The following RGPD1 variants were observed in gnomAD, a reference collection of about 807,000 sequenced individuals.
The protein encoded by RGPD1 is RANBP2-like and GRIP domain-containing protein 1.
RGPD1 carries 7 observed loss-of-function variants against 40.6 expected under a neutral mutation model. The ratio of observed to expected loss-of-function variants is 0.17; its 90% CI spans 0.10 to 0.32. The LOEUF (loss-of-function observed/expected upper bound fraction) is 0.32, where lower values mean the gene tolerates loss of function less well. RGPD1 is among the 10% of genes least tolerant of loss of function. RGPD1 has a pLI of 1.00. For synonymous variants in RGPD1, 24 were observed against 167.0 expected (o/e 0.14, Z 6.60); for missense variants, 50 against 472.5 (o/e 0.11, Z 8.29).
At chr2:86,954,716 C>A (rs1295954982) in intron 4 of RGPD1, among the ~76,000 whole-genome samples, 1 of 147,718 alleles carries the variant, frequency 6.8e-6, no homozygotes, top group Non-Finnish European at 1.5e-5. Flanking sequence ...TTTAACCCGA[C>A]CAAAGCACAA....
intron 1 of RGPD1, among the ~76,000 whole-genome samples, chr2:86,919,759 C>G (rs1466957398): frequency 7.6e-6 from 1 of 131,290 alleles, no homozygotes; most frequent in African/African-American, 3.3e-5. Context: ...TTTCTTTCTT[C>G]TCACTTAATT....
At chr2:86,918,746 A>C (rs1323025481) in intron 1 of RGPD1, among the ~76,000 whole-genome samples, 1 of 140,932 alleles carries the variant, frequency 7.1e-6, no homozygotes, top group Non-Finnish European at 1.5e-5. Context: ...GGTGTGAGCC[A>C]CCGTGCCTGG....
chr2:86,940,686 C>T (rs1008573759), upstream of RGPD1, among the ~76,000 whole-genome samples: 1 of 152,068 alleles, frequency 6.6e-6, no homozygotes, highest in Non-Finnish European at 1.5e-5. Flanking sequence ...GTCTCCAACT[C>T]CTGGGCTAAA....
chr2:86,940,810 A>C (rs980200517), upstream of RGPD1, among the ~76,000 whole-genome samples: 3 of 150,492 alleles, frequency 2.0e-5, no homozygotes, highest in Non-Finnish European at 4.5e-5. Flanking sequence ...GGCTATCCCC[A>C]CATGGATAGA....
chr2:86,926,890 C>T (rs551205771), intron 1 of RGPD1, among the ~76,000 whole-genome samples: 1 of 151,754 alleles, frequency 6.6e-6, no homozygotes, highest in South Asian at 2.1e-4. Flanking sequence ...TAAGTTTGCA[C>T]AGCAAAGTAA....
chr2:86,942,376 GCGGC>G, intron 1 of RGPD1, 68 bp downstream of exon 1: 1 of 1,427,024 alleles, frequency 7.0e-7, no homozygotes, highest in South Asian at 1.3e-5. Context: ...TGGCCGGGCG[GCGGC>G]CTCGACCTGG....
At chr2:86,930,572 C>A (rs1678866012) in intron 1 of RGPD1, 2 of 1,610,356 alleles carry the variant, frequency 1.2e-6, no homozygotes, top group South Asian at 1.1e-5. Flanking sequence ...CAGTCCAGAG[C>A]AGCCAGAACC....
intron 1 of RGPD1, chr2:86,930,715 A>C (rs1367717755): frequency 9.0e-6 from 14 of 1,559,730 alleles, no homozygotes; most frequent in Non-Finnish European, 1.1e-5. Flanking sequence ...AGTGCCCCCC[A>C]GGCCTCCTCG....
intron 22 of RGPD1, among the ~76,000 whole-genome samples, chr2:87,007,491 C>T (rs1338749533): frequency 6.6e-6 from 1 of 152,224 alleles, no homozygotes; most frequent in Non-Finnish European, 1.5e-5. Flanking sequence ...GATTCTCCTG[C>T]CTCAGCCTCC....
At chr2:86,942,909 C>G (rs923784985) in intron 1 of RGPD1, among the ~76,000 whole-genome samples, 3 of 152,008 alleles carry the variant, frequency 2.0e-5, no homozygotes, top group African/African-American at 7.2e-5. Flanking sequence ...TTGTTCCCGA[C>G]GGTGCTCGCT....
chr2:86,915,250 C>G (rs1677737825), intron 1 of RGPD1, among the ~76,000 whole-genome samples: 1 of 150,858 alleles, frequency 6.6e-6, no homozygotes, highest in African/African-American at 2.4e-5. Flanking sequence ...GAGCCAAGAT[C>G]GTGCCACTGC....
intron 20 of RGPD1, among the ~76,000 whole-genome samples, chr2:86,988,304 C>T (rs62148323): frequency 0.19 from 18,688 of 100,032 alleles, 1,886 homozygotes; most frequent in East Asian, 0.27. Flanking sequence ...ATGAGCCGGG[C>T]GTGGTGGTGC....
At chr2:86,942,619 C>T (rs929346276) in intron 1 of RGPD1, among the ~76,000 whole-genome samples, 1 of 137,128 alleles carries the variant, frequency 7.3e-6, no homozygotes, top group Admixed American at 7.0e-5. Context: ...GCGCTGCTCC[C>T]TGGCGCGCTC....
chr2:86,944,530 G>A (rs992834020), intron 1 of RGPD1, among the ~76,000 whole-genome samples: 3 of 151,880 alleles, frequency 2.0e-5, no homozygotes, highest in African/African-American at 7.3e-5. Flanking sequence ...AGTCTCCCGA[G>A]TAGTTGGGAC....
At position 86,944,022 on chromosome 2, in the gene RGPD1, A is replaced by AT. The variant is rs372362142; in HGVS notation, c.72+1714_72+1715insT. On this transcript the variant is annotated intron_variant, in intron 1 of 22. Transcript: ENST00000641458. ...GAGGGAGACTCCAAAAAAAAACAAA[A>AT]AAAAACCAAAAAACGGAAACTCAAC... is the stretch of plus-strand genomic sequence containing the variant. Among the ~76,000 whole-genome samples the AT allele has an allele frequency of 2.9e-3, 442 of 152,158 alleles. 3 individuals are homozygous for AT. Among genetic ancestry groups the AT allele is most frequent in the Middle Eastern group, 0.017 (5 of 294 alleles).
At chr2:86,913,903 C>T (rs779290736) in exon 1 of RGPD1, 22 of 1,552,262 alleles carry the variant, frequency 1.4e-5, no homozygotes, top group East Asian at 2.5e-5. Context: ...TGCAGGGCTC[C>T]GCCCCGTCGC....
intron 1 of RGPD1, among the ~76,000 whole-genome samples, chr2:86,945,322 G>C (rs1680267551): frequency 6.6e-6 from 1 of 151,900 alleles, no homozygotes; most frequent in Non-Finnish European, 1.5e-5. Context: ...GAGTAACTTT[G>C]GAACATGTGA....
intron 4 of RGPD1, among the ~76,000 whole-genome samples, chr2:86,955,957 A>C (rs868185519): frequency 9.3e-5 from 14 of 150,834 alleles, no homozygotes; most frequent in Admixed American, 5.9e-4. Context: ...GATACTTTGA[A>C]GCACTCTTTA....
intron 1 of RGPD1, among the ~76,000 whole-genome samples, chr2:86,931,281 C>G (rs574090971): frequency 6.6e-6 from 1 of 151,956 alleles, no homozygotes; most frequent in East Asian, 1.9e-4. Flanking sequence ...CTACTCACCC[C>G]CATATTTCTG....
Sources: gnomAD v4.1 joint callset for allele counts (sites outside exome capture counted in the v4.1 genomes callset) on GRCh38, gnomAD v4.1.1 for gene constraint, MANE v1.5 for transcripts, NCBI Gene and HGNC (gene_info 2026-07-23, HGNC 2026-07-21) for gene names.